The following NEFM variants were observed in gnomAD, a reference collection of about 807,000 sequenced individuals.
NEFM encodes the protein neurofilament medium chain.
NEFM carries 16 observed loss-of-function variants against 48.1 expected under a neutral mutation model. The ratio of observed to expected loss-of-function variants is 0.33; its 90% CI spans 0.23 to 0.51. The LOEUF (loss-of-function observed/expected upper bound fraction) is 0.51, where lower values mean the gene tolerates loss of function less well. Among genes scored for constraint, NEFM ranks in the 20% least tolerant of loss-of-function variants. The probability of loss-of-function intolerance (pLI) is 0.98; values close to 1 mark genes in which losing one functional copy is unlikely to be tolerated. For synonymous variants in NEFM, 465 were observed against 456.9 expected, an observed-to-expected ratio of 1.02 and a Z score of -0.23; for missense variants, 1,107 against 1,136.0, an observed-to-expected ratio of 0.97 and a Z score of 0.37.
At chr8:24,915,798 C>T in intron 2 of NEFM, 69 bp downstream of exon 2, 1 of 1,609,386 alleles carries the variant, frequency 6.2e-7, no homozygotes, top group Non-Finnish European at 8.5e-7. Context: ...GCAGAGCTTC[C>T]ACCACTTAAG....
rs145277681 is a variant in NEFM, at chr8:24,917,777, C to A, written c.1922C>A (p.Ser641Tyr). The change falls in exon 3 of 3, where the codon TCT becomes TAT. Residue 641 changes from serine (S) to tyrosine (Y), a missense_variant. Physicochemically the swap from Ser to Tyr is moderately radical, Grantham distance 144. Coordinates refer to ENST00000221166, the MANE Select transcript of NEFM (RefSeq NM_005382.2). Reference sequence around the variant, plus strand: ...TCACCAGTGGAAGAGAAAGGCAAGTCTCCTGTGCCCAAGTCACCAGTGGAA... The same window carrying A: ...TCACCAGTGGAAGAGAAAGGCAAGTATCCTGTGCCCAAGTCACCAGTGGAA... The part of the protein sequence containing the change: ...PKSPVEEKGK[S>Y]PVPKSPVEEK... 1 of 1,613,840 alleles carries A rather than the reference C, an allele frequency of 6.2e-7. No homozygotes were observed. The highest frequency in any genetic ancestry group is 1.7e-5 in the Admixed American group (1 of 59,996).
chr8:24,918,571 C>T lies in NEFM; in HGVS notation c.2716C>T (p.His906Tyr), dbSNP rs755073898. Residue 906 changes from histidine to tyrosine, a missense_variant, in exon 3 of 3, where the codon CAC (histidine) becomes TAC (tyrosine). Physicochemically the swap from His to Tyr is moderately conservative, Grantham distance 83. Around this residue, in one of 3 missense-constraint regions of NEFM, gnomAD observed 917 missense variants for 916.4 expected, o/e 1.00. Coordinates refer to ENST00000221166, the MANE Select transcript of NEFM (RefSeq NM_005382.2). ...TAAAAAGGTAGAAAAAGTCACTTCA[C>T]ACGCCATAGTAAAGGAAGTCACCCA... Reference protein sequence around the residue: ...STKKVEKVTSHAIVKEVTQSD With the variant: ...STKKVEKVTSYAIVKEVTQSD 6.2e-7 allele frequency: 1 copy of T among 1,612,754 alleles called. No individual in the cohort carries two copies. The highest frequency in any genetic ancestry group is 8.5e-7 in the Non-Finnish European group (1 of 1,179,872).
intron 1 of NEFM, 58 bp from the exon 2 acceptor site, chr8:24,915,547 C>A: frequency 6.2e-7 from 1 of 1,609,986 alleles, no homozygotes. Context: ...AAGTGGTTTG[C>A]GAAGGAAGTT....
At position 24,918,032 on chromosome 8, in the gene NEFM, A is replaced by G; in HGVS notation, c.2177A>G (p.Lys726Arg). ...EKVEKKEEKPKDVPEKKKAES... is the reference protein window; with the variant it reads ...EKVEKKEEKPRDVPEKKKAES... ...GTAGAGAAAAAGGAAGAGAAACCAAAGGATGTGCCAGAGAAGAAGAAAGCT... is the reference window on the plus strand; with the variant it reads ...GTAGAGAAAAAGGAAGAGAAACCAAGGGATGTGCCAGAGAAGAAGAAAGCT... Residue 726 changes from lysine (K) to arginine (R), a missense_variant, in exon 3 of 3, where the codon AAG becomes AGG. Around this residue, in one of 3 missense-constraint regions of NEFM, gnomAD observed 917 missense variants for 916.4 expected, o/e 1.00. Coordinates refer to ENST00000221166, the MANE Select transcript of NEFM (RefSeq NM_005382.2). 5.8e-6 allele frequency: 9 copies of G among 1,563,648 alleles called. No homozygotes were observed. The highest frequency in any genetic ancestry group is 7.8e-6 in the Non-Finnish European group (9 of 1,153,482).
rs778885137 is a variant in NEFM at position 24,914,078 on chromosome 8, G to C, written c.285G>C (p.Lys95Asn). The change falls in exon 1 of 3, where the codon AAG becomes AAC. Residue 95 changes from lysine (K) to asparagine (N), a missense_variant. Around this residue, in one of 3 missense-constraint regions of NEFM, gnomAD observed 186 missense variants for 200.6 expected, o/e 0.93. Coordinates refer to ENST00000221166, the MANE Select transcript of NEFM (RefSeq NM_005382.2). ...GCTCCGGACCCGGCGGCGACTACAA[G>C]CTGTCCCGCTCCAACGAGAAGGAGC... ...NGGSGPGGDYKLSRSNEKEQL... is the reference protein window; with the variant it reads ...NGGSGPGGDYNLSRSNEKEQL... 7 of 1,612,944 alleles carry C rather than the reference G, an allele frequency of 4.3e-6. No homozygotes were observed. The highest frequency in any genetic ancestry group is 4.2e-6 in the Non-Finnish European group (5 of 1,179,956).
At position 24,917,196 on chromosome 8, in the gene NEFM, G is replaced by C; in HGVS notation, c.1341G>C (p.Lys447Asn). The C allele has an allele frequency of 6.2e-7, 1 of 1,614,072 alleles. No individual in the cohort carries two copies. Residue 447 changes from lysine to asparagine, a missense_variant, in exon 3 of 3, where the codon AAG becomes AAC. Around this residue, in one of 3 missense-constraint regions of NEFM, gnomAD observed 917 missense variants for 916.4 expected, o/e 1.00. Coordinates refer to ENST00000221166, the MANE Select transcript of NEFM (RefSeq NM_005382.2). The stretch of plus-strand genomic sequence containing the variant: ...CCAAGGTGGAAGCTCCCAAGCTTAA[G>C]GTCCAACACAAATTTGTCGAGGAGA... ...QKPKVEAPKLKVQHKFVEEII... is the reference protein window; with the variant it reads ...QKPKVEAPKLNVQHKFVEEII...
Position 24,917,125 on chromosome 8 carries a change from T to C in NEFM, c.1270T>C (p.Tyr424His), listed in dbSNP as rs1053527637. The change falls in exon 3 of 3, where the codon TAT becomes CAT. Residue 424 changes from tyrosine (Y) to histidine (H), a missense_variant. Transcript: ENST00000221166. ...TGCAGGAAGCATCACTGGGCCACTG[T>C]ATACACACCGACCCCCAATCACAAT... Reference protein sequence around the residue: ...TFAGSITGPLYTHRPPITISS... With the variant: ...TFAGSITGPLHTHRPPITISS... The C allele has an allele frequency of 5.0e-6, 8 of 1,614,016 alleles. No individual in the cohort carries two copies. Among genetic ancestry groups the C allele is most frequent in the Non-Finnish European group, 6.8e-6 (8 of 1,180,034 alleles).
In NEFM at chr8:24,914,637, G is replaced by C. The variant is rs183535249; in HGVS notation, c.844G>C (p.Asp282His). ...CCGCTCCCAGCTCGAAAGCCACTCAGACCAGAATATGCACCAGGCCGAAGA... is the reference window on the plus strand; with the variant it reads ...CCGCTCCCAGCTCGAAAGCCACTCACACCAGAATATGCACCAGGCCGAAGA... ...EIRSQLESHS[D>H]QNMHQAEEWF... Residue 282 changes from aspartate (D) to histidine (H), a missense_variant, in exon 1 of 3, where the codon GAC (aspartate) becomes CAC (histidine). By Grantham distance (81) the Asp-to-His change is moderately conservative. Transcript: ENST00000221166. The C allele has an allele frequency of 4.3e-6, 7 of 1,614,204 alleles. No homozygotes were observed. The African/African-American group carries it at 9.3e-5, about 22-fold the overall frequency.
At position 24,918,157 on chromosome 8, in the gene NEFM, C is replaced by T; in HGVS notation, c.2302C>T (p.Leu768=). 1 of 1,551,546 alleles carries T rather than the reference C, an allele frequency of 6.4e-7. No individual in the cohort carries two copies. Among genetic ancestry groups the T allele is most frequent in the Non-Finnish European group, 8.7e-7 (1 of 1,147,106 alleles). Residue 768 remains leucine (L), a synonymous_variant, in exon 3 of 3, where the codon CTG becomes TTG. Transcript: ENST00000221166. ...EKETKEEGKP[L]QQEKEKEKAG... is the part of the protein sequence containing the mutation. Reference sequence around the variant, plus strand: ...AGAGACCAAAGAAGAGGGGAAGCCACTGCAGCAGGAGAAAGAGAAGGAGAA... The same window carrying T: ...AGAGACCAAAGAAGAGGGGAAGCCATTGCAGCAGGAGAAAGAGAAGGAGAA...
Position 24,918,949 on chromosome 8 carries a change from T to G in NEFM, c.*343T>G. The G allele has an allele frequency of 3.3e-6, 1 of 303,668 alleles. No homozygotes were observed. The highest frequency in any genetic ancestry group is 6.3e-6 in the Non-Finnish European group (1 of 159,632). The allele number at this position is 303,668 out of a possible 1,614,324, so 18.8% of individuals were successfully genotyped here. On this transcript the variant is annotated 3_prime_UTR_variant, in exon 3 of 3. Transcript: ENST00000221166. Reference sequence around the variant, plus strand: ...CAGCCTTAAGAAAGCTATATATGAATAATTATGTTTACCTCACTGGTGCAT... The same window carrying G: ...CAGCCTTAAGAAAGCTATATATGAAGAATTATGTTTACCTCACTGGTGCAT...
At position 24,914,797 on chromosome 8, in the gene NEFM, G is replaced by A. The variant is rs1000384489; in HGVS notation, c.1004G>A (p.Arg335His). 9.3e-6 allele frequency: 15 copies of A among 1,606,288 alleles called. No homozygotes were observed. The highest frequency in any genetic ancestry group is 3.4e-5 in the Admixed American group (2 of 58,652). The change falls in exon 1 of 3, where the codon CGC (arginine) becomes CAC (histidine). Residue 335 changes from arginine to histidine, a missense_variant. Arg to His is a conservative substitution (Grantham distance 29, BLOSUM62 0). This residue lies in a region of NEFM where 917 missense variants were observed against 916.4 expected (regional missense o/e 1.00). Transcript: ENST00000221166. The part of the protein sequence containing the change: ...QSKSIELESV[R>H]GTKESLERQL... ...AAGAGCATCGAGCTAGAGTCGGTGC[G>A]CGGCACCAAGGAGTCCCTGGAGCGG...
rs1435889315 is a variant in NEFM, at chr8:24,914,086, G to T, written c.293G>T (p.Arg98Leu). ...CCCGGCGGCGACTACAAGCTGTCCC[G>T]CTCCAACGAGAAGGAGCAGCTGCAG... ...SGPGGDYKLS[R>L]SNEKEQLQGL... Residue 98 changes from arginine (R) to leucine (L), a missense_variant, in exon 1 of 3, where the codon CGC (arginine) becomes CTC (leucine). Physicochemically the swap from Arg to Leu is moderately radical, Grantham distance 102. Transcript: ENST00000221166. 4.3e-6 allele frequency: 7 copies of T among 1,612,808 alleles called. No individual in the cohort carries two copies. The highest frequency in any genetic ancestry group is 5.9e-6 in the Non-Finnish European group (7 of 1,179,974).
Position 24,918,114 on chromosome 8 carries a change from A to G in NEFM, c.2259A>G (p.Val753=), listed in dbSNP as rs1212850556. 6.4e-7 allele frequency: 1 copy of G among 1,551,758 alleles called. No homozygotes were observed. The highest frequency in any genetic ancestry group is 8.7e-7 in the Non-Finnish European group (1 of 1,147,090). Residue 753 remains valine (V), a synonymous_variant, in exon 3 of 3, where the codon GTA becomes GTG. Transcript: ENST00000221166. ...VAEVVTITKS[V]KVHLEKETKE... is the part of the protein sequence containing the mutation. The stretch of plus-strand genomic sequence containing the variant: ...AGGTGGTCACCATCACCAAATCGGT[A>G]AAGGTGCACTTGGAGAAAGAGACCA...
rs1333472274 is a variant in NEFM at position 24,917,263 on chromosome 8, G to T, written c.1408G>T (p.Glu470Ter). 6.2e-7 allele frequency: 1 copy of T among 1,614,156 alleles called. No homozygotes were observed. Among genetic ancestry groups the T allele is most frequent in the Non-Finnish European group, 8.5e-7 (1 of 1,180,040 alleles). ...AGTGGAGGATGAGAAGTCAGAAATG[G>T]AAGAGGCCCTGACAGCCATTACAGA... ...TKVEDEKSEM[E>*]EALTAITEEL... is the part of the protein sequence containing the mutation. Residue 470 changes from glutamate to a stop codon, truncating the protein, a stop_gained, in exon 3 of 3, where the codon GAA becomes TAA. Coordinates refer to ENST00000221166, the MANE Select transcript of NEFM (RefSeq NM_005382.2). LOFTEE classifies it low-confidence loss of function (END_TRUNC).
In NEFM at chr8:24,917,252, A is replaced by G; in HGVS notation, c.1397A>G (p.Lys466Arg). 1.2e-6 allele frequency: 2 copies of G among 1,614,184 alleles called. No homozygotes were observed. The highest frequency in any genetic ancestry group is 1.7e-6 in the Non-Finnish European group (2 of 1,180,038). ...GAGGAAACCAAAGTGGAGGATGAGA[A>G]GTCAGAAATGGAAGAGGCCCTGACA... ...IIEETKVEDE[K>R]SEMEEALTAI... is the part of the protein sequence containing the mutation. Residue 466 changes from lysine (K) to arginine (R), a missense_variant, in exon 3 of 3, where the codon AAG (lysine) becomes AGG (arginine). By Grantham distance (26) the Lys-to-Arg change is conservative (BLOSUM62 2). This residue lies in a region of NEFM where 917 missense variants were observed against 916.4 expected (regional missense o/e 1.00). Coordinates refer to ENST00000221166, the MANE Select transcript of NEFM (RefSeq NM_005382.2).
intron 2 of NEFM, 104 bp downstream of exon 2, chr8:24,915,833 C>A: frequency 7.0e-7 from 1 of 1,421,542 alleles, no homozygotes; most frequent in Non-Finnish European, 9.9e-7. Flanking sequence ...GTGCAGGCAT[C>A]AACTCAGCAC....
chr8:24,913,798 G>C lies in NEFM; in HGVS notation c.5G>C (p.Ser2Thr). 1 of 1,607,870 alleles carries C rather than the reference G, an allele frequency of 6.2e-7. No homozygotes were observed. Among genetic ancestry groups the C allele is most frequent in the Non-Finnish European group, 8.5e-7 (1 of 1,177,836 alleles). Residue 2 changes from serine (S) to threonine (T), a missense_variant, in exon 1 of 3, where the codon AGC becomes ACC. By Grantham distance (58) the Ser-to-Thr change is moderately conservative (BLOSUM62 1). Coordinates refer to ENST00000221166, the MANE Select transcript of NEFM (RefSeq NM_005382.2). Reference sequence around the variant, plus strand: ...ACACGCCCCAAGGCCTCCAAGATGAGCTACACGTTGGACTCGCTGGGCAAC... The same window carrying C: ...ACACGCCCCAAGGCCTCCAAGATGACCTACACGTTGGACTCGCTGGGCAAC... MSYTLDSLGNPS... is the reference protein window; with the variant it reads MTYTLDSLGNPS...
In NEFM at chr8:24,918,834, G is replaced by C; in HGVS notation, c.*228G>C. The C allele has an allele frequency of 1.8e-6, 1 of 549,004 alleles. No homozygotes were observed. The highest frequency in any genetic ancestry group is 3.2e-5 in the East Asian group (1 of 30,886). The allele number at this position is 549,004 out of a possible 1,614,324, so 34.0% of individuals were successfully genotyped here. A position where few individuals can be genotyped will look rare whatever the true frequency, so the allele number is the denominator to read the frequency against. On this transcript the variant is annotated 3_prime_UTR_variant, in exon 3 of 3. Coordinates refer to ENST00000221166, the MANE Select transcript of NEFM (RefSeq NM_005382.2). ...GGGAAATTTGCCGATTTCCTAAGCT[G>C]TTGGAAGGGGGTCACTTAAGGGGGG...
chr8:24,913,901 C>T lies in NEFM; in HGVS notation c.108C>T (p.Arg36=). The T allele has an allele frequency of 4.3e-6, 7 of 1,610,902 alleles. No homozygotes were observed. The highest frequency in any genetic ancestry group is 1.1e-5 in the South Asian group (1 of 90,912). ...GCGGCTCCCCGTCCAGTGGCTTCCG[C>T]TCGCAGTCGTGGTCCCGCGGCTCGC... The part of the protein sequence containing the change: ...RVSGSPSSGF[R]SQSWSRGSPS... Residue 36 remains arginine (R), a synonymous_variant, in exon 1 of 3, where the codon CGC becomes CGT. Transcript: ENST00000221166.
Sources: allele counts gnomAD v4.1 joint callset, GRCh38; gene constraint gnomAD v4.1.1; regional missense constraint gnomAD v4.1.1; transcripts MANE v1.5; gene names NCBI Gene and HGNC (gene_info 2026-07-23, HGNC 2026-07-21).